The following INPP5F variants were observed in gnomAD, a reference collection of about 807,000 sequenced individuals.
INPP5F encodes the protein phosphatidylinositide 4-phosphatase SAC2.
INPP5F carries 97 observed loss-of-function variants against 137.2 expected under a neutral mutation model. That is an observed-to-expected ratio of 0.71 (90% CI 0.60 to 0.84). The LOEUF (loss-of-function observed/expected upper bound fraction) is 0.84. Ranked by LOEUF, INPP5F falls within the 40% of genes least tolerant of loss-of-function variation. The pLI is 0.00. For synonymous variants in INPP5F, 504 were observed against 476.9 expected (o/e 1.06, Z -0.74); for missense variants, 1,271 against 1,371.9 (o/e 0.93, Z 1.16).
rs1221611549 is a variant in INPP5F at position 119,748,466 on chromosome 10, AG to A, written c.98-2606del. 2.0e-5 allele frequency among the ~76,000 whole-genome samples: 3 copies of A among 152,132 alleles called. No individual in the cohort carries two copies. Among genetic ancestry groups the A allele is most frequent in the Admixed American group, 2.0e-4 (3 of 15,276 alleles). On this transcript the variant is annotated intron_variant, in intron 1 of 19. Coordinates refer to ENST00000650623, the MANE Select transcript of INPP5F (RefSeq NM_014937.4). The surrounding 1 kb of genome is among the most constrained non-coding windows in gnomAD (Gnocchi z 4.7). Reference sequence around the variant, plus strand: ...TACAGCTTTTTCAGTCCCACCATTCAGGGGTCCCGTGTCCAGGAAGAATGAG... The same window carrying A: ...TACAGCTTTTTCAGTCCCACCATTCAGGGTCCCGTGTCCAGGAAGAATGAG...
intron 2 of INPP5F, among the ~76,000 whole-genome samples, chr10:119,769,550 TGGTGGAC>T (rs1291719191): frequency 6.6e-6 from 1 of 152,222 alleles, no homozygotes; most frequent in Non-Finnish European, 1.5e-5. Context: ...CGTTTTGAGT[TGGTGGAC>T]CGAGTAAAGA....
chr10:119,761,708 ACT>A (rs1849015905), intron 2 of INPP5F, among the ~76,000 whole-genome samples: 1 of 151,934 alleles, frequency 6.6e-6, no homozygotes, highest in Non-Finnish European at 1.5e-5. Flanking sequence ...TACTTTATAG[ACT>A]CACGTTCTGT....
chr10:119,782,348 C>T (rs143726972), intron 3 of INPP5F, among the ~76,000 whole-genome samples: 66 of 152,322 alleles, frequency 4.3e-4, no homozygotes, highest in African/African-American at 1.5e-3. Context: ...CCACAAGGTG[C>T]TGCCTCCTAG....
At chr10:119,727,837 C>T (rs1403489340) in intron 1 of INPP5F, among the ~76,000 whole-genome samples, 1 of 152,168 alleles carries the variant, frequency 6.6e-6, no homozygotes, top group Non-Finnish European at 1.5e-5. Flanking sequence ...CTCCCCTTCC[C>T]TCCTTTCACT....
chr10:119,753,460 CT>C (rs1029078471), intron 2 of INPP5F, among the ~76,000 whole-genome samples: 1 of 152,184 alleles, frequency 6.6e-6, no homozygotes, highest in Non-Finnish European at 1.5e-5. Flanking sequence ...AGCAGCTCTG[CT>C]CTTGTCTGTT....
Position 119,800,410 on chromosome 10 carries a change from A to T in INPP5F, c.1116+1800A>T, listed in dbSNP as rs1034035776. 2.6e-4 allele frequency among the ~76,000 whole-genome samples: 40 copies of T among 151,024 alleles called. No individual in the cohort carries two copies. In the South Asian group the frequency reaches 3.8e-3, roughly 14 times the overall value. On this transcript the variant is annotated intron_variant, in intron 9 of 19. Transcript: ENST00000650623. ...CTCTACTGAAAAAAAAAAAAAAAAA[A>T]TTAACCAGGCATGGTGGCTTGTGCC... is the stretch of plus-strand genomic sequence containing the variant.
intron 6 of INPP5F, 121 bp from the exon 7 acceptor site, chr10:119,796,594 T>C: frequency 1.2e-6 from 1 of 828,412 alleles, no homozygotes; most frequent in Non-Finnish European, 2.1e-6. Context: ...AAAATATGGT[T>C]GAATAATGGA....
intron 2 of INPP5F, among the ~76,000 whole-genome samples, chr10:119,764,441 C>T (rs1849095191): frequency 6.6e-6 from 1 of 152,172 alleles, no homozygotes; most frequent in African/African-American, 2.4e-5. Context: ...TTGCCTCTGC[C>T]ACCCCTGAGA....
At chr10:119,734,077 G>T (rs1229438928) in intron 1 of INPP5F, among the ~76,000 whole-genome samples, 2 of 152,160 alleles carry the variant, frequency 1.3e-5, no homozygotes, top group Non-Finnish European at 2.9e-5. Flanking sequence ...ATTTCTCACT[G>T]TCATTTTATT....
intron 1 of INPP5F, among the ~76,000 whole-genome samples, chr10:119,728,966 T>G (rs1398830767): frequency 1.3e-5 from 2 of 152,242 alleles, no homozygotes; most frequent in African/African-American, 2.4e-5. Context: ...GGGCTGTATT[T>G]ACTCCTCATC....
Position 119,767,107 on chromosome 10 carries a change from G to GAAAAAAAAAAAAA in INPP5F, c.179-14514_179-14502dup, listed in dbSNP as rs35875262. Among the ~76,000 whole-genome samples the GAAAAAAAAAAAAA allele has an allele frequency of 2.7e-4, 11 of 40,542 alleles. 1 individual carries two copies. Among genetic ancestry groups the GAAAAAAAAAAAAA allele is most frequent in the African/African-American group, 3.4e-4 (3 of 8,886 alleles). 26.6% of individuals were successfully genotyped at this position (40,542 alleles called of 152,430 possible). A position where few individuals can be genotyped will look rare whatever the true frequency, so the allele number is the denominator to read the frequency against. ...GCAACAGAGTGAGACTCTGTCTCCA[G>GAAAAAAAAAAAAA]AAAAAAAAAAAAAAAAAAAAAAAAA... On this transcript the variant is annotated intron_variant, in intron 2 of 19. Transcript: ENST00000650623.
intron 1 of INPP5F, among the ~76,000 whole-genome samples, chr10:119,743,667 G>T (rs1848442186): frequency 6.8e-6 from 1 of 147,216 alleles, no homozygotes; most frequent in Admixed American, 6.7e-5. Context: ...GGCGGGGGGG[G>T]GGATGGAAAG....
intron 2 of INPP5F, chr10:119,768,561 A>C (rs903333598): frequency 1.3e-5 from 2 of 152,200 alleles, no homozygotes; most frequent in Admixed American, 1.3e-4. Flanking sequence ...AGAGAAAGAA[A>C]AGGAAAAAAA....
chr10:119,807,134 G>A (rs781507553), intron 12 of INPP5F, among the ~76,000 whole-genome samples: 2 of 152,126 alleles, frequency 1.3e-5, no homozygotes, highest in Non-Finnish European at 2.9e-5. Flanking sequence ...CTAGCTGGGC[G>A]TGGTGGCCGT....
rs753035411 is a variant in INPP5F at position 119,751,133 on chromosome 10, T to C, written c.155T>C (p.Ile52Thr). The C allele has an allele frequency of 1.1e-5, 18 of 1,608,624 alleles. No individual in the cohort carries two copies. The highest frequency in any genetic ancestry group is 5.0e-5 in the Admixed American group (3 of 59,990). The change falls in exon 2 of 20, where the codon ATT becomes ACT. Residue 52 changes from isoleucine to threonine, a missense_variant. Coordinates refer to ENST00000650623, the MANE Select transcript of INPP5F (RefSeq NM_014937.4). Reference sequence around the variant, plus strand: ...TGTTTGGGGTTGGTAGAAGGTGTTATTGGGAAAATTCAACTTCATTCAGGT... The same window carrying C: ...TGTTTGGGGTTGGTAGAAGGTGTTACTGGGAAAATTCAACTTCATTCAGGT... ...PICLGLVEGVIGKIQLHSDLP... is the reference protein window; with the variant it reads ...PICLGLVEGVTGKIQLHSDLP...
intron 2 of INPP5F, among the ~76,000 whole-genome samples, chr10:119,773,734 C>G (rs912985150): frequency 1.3e-5 from 2 of 152,136 alleles, no homozygotes; most frequent in Admixed American, 6.5e-5. Context: ...GGGTTTCACT[C>G]TGTCCCCCAT....
At position 119,748,235 on chromosome 10, in the gene INPP5F, AG is replaced by A. The variant is rs1848595466; in HGVS notation, c.98-2839del. Among the ~76,000 whole-genome samples, 1 of 152,222 alleles carries A rather than the reference AG, an allele frequency of 6.6e-6. No individual in the cohort carries two copies. ...CTTTGTGCAAGGCTGTGGCTGGACCAGGTGTACCACAAGCAGTTTCTGCTGC... is the reference window on the plus strand; with the variant it reads ...CTTTGTGCAAGGCTGTGGCTGGACCAGTGTACCACAAGCAGTTTCTGCTGC... On this transcript the variant is annotated intron_variant, in intron 1 of 19. Coordinates refer to ENST00000650623, the MANE Select transcript of INPP5F (RefSeq NM_014937.4). This position sits in a 1 kb window ranked among gnomAD's most constrained non-coding sequence, Gnocchi z 4.7.
rs1487596802 is a variant in INPP5F, at chr10:119,794,603, A to G, written c.670-2112A>G. On this transcript the variant is annotated intron_variant, in intron 6 of 19. Coordinates refer to ENST00000650623, the MANE Select transcript of INPP5F (RefSeq NM_014937.4). ...ACTTTCCAGTAGGGGCGGCCGGGCA[A>G]AGGCGCCCCTCACCTCCCGTACGGG... Among the ~76,000 whole-genome samples the G allele has an allele frequency of 5.6e-4, 82 of 146,266 alleles. 1 individual carries two copies. The highest frequency in any genetic ancestry group is 1.8e-3 in the African/African-American group (73 of 39,488).
intron 19 of INPP5F, among the ~76,000 whole-genome samples, chr10:119,825,374 T>C (rs1219891169): frequency 6.6e-6 from 1 of 152,188 alleles, no homozygotes; most frequent in African/African-American, 2.4e-5. Context: ...ACCCAGAGTT[T>C]CATTATCTTG....
Sources: allele counts gnomAD v4.1 joint callset (sites outside exome capture counted in the v4.1 genomes callset), GRCh38; gene constraint gnomAD v4.1.1; non-coding constraint Gnocchi (gnomAD v3.1); transcripts MANE v1.5; gene names NCBI Gene and HGNC (gene_info 2026-07-23, HGNC 2026-07-21).